RAB23: variants seen among roughly 807,000 people sequenced by gnomAD.
The protein encoded by RAB23 is ras-related protein Rab-23.
In RAB23, 15 loss-of-function variants were observed where a neutral mutation model predicts 30.0. That is an observed-to-expected ratio of 0.50 (90% CI 0.33 to 0.77). The LOEUF is 0.77. RAB23 is among the 30% of genes least tolerant of loss of function. RAB23 has a pLI of 0.02. For synonymous variants in RAB23, 93 were observed against 94.0 expected, an observed-to-expected ratio of 0.99 and a Z score of 0.06; for missense variants, 243 against 275.4, an observed-to-expected ratio of 0.88 and a Z score of 0.83.
At chr6:57,216,385 A>G (rs972791510) in intron 1 of RAB23, among the ~76,000 whole-genome samples, 30 of 152,254 alleles carry the variant, frequency 2.0e-4, no homozygotes, top group Non-Finnish European at 3.2e-4. Context: ...TCAAAATGGA[A>G]TTCTAAAAAC....
intron 1 of RAB23, among the ~76,000 whole-genome samples, chr6:57,213,579 T>C (rs1294247833): frequency 2.0e-5 from 3 of 152,222 alleles, no homozygotes; most frequent in Non-Finnish European, 2.9e-5. Flanking sequence ...TAAAGATATA[T>C]ACTTCAGACA....
Position 57,190,407 on chromosome 6 carries a change from G to T in RAB23, c.*54C>A. The T allele has an allele frequency of 6.3e-7, 1 of 1,592,672 alleles. No homozygotes were observed. The highest frequency in any genetic ancestry group is 1.1e-5 in the South Asian group (1 of 90,434). On this transcript the variant is annotated 3_prime_UTR_variant, in exon 7 of 7. Coordinates refer to ENST00000468148, the MANE Select transcript of RAB23 (RefSeq NM_016277.5). Reference sequence around the variant, plus strand: ...TTGTAACATACCATGACAGCTGGATGGGTTTCTTAATGCATTGCACAATGT... The same window carrying T: ...TTGTAACATACCATGACAGCTGGATTGGTTTCTTAATGCATTGCACAATGT...
At chr6:57,203,265 CAAA>C (rs1765336760) in intron 3 of RAB23, among the ~76,000 whole-genome samples, 1 of 152,136 alleles carries the variant, frequency 6.6e-6, no homozygotes, top group African/African-American at 2.4e-5. Flanking sequence ...CGCAGCCTCC[CAAA>C]GTGCTGGGAT....
At position 57,189,915 on chromosome 6, in the gene RAB23, G is replaced by GCTT. The variant is rs1161854478; in HGVS notation, c.*545_*546insAAG. 2 of 163,650 alleles carry GCTT rather than the reference G, an allele frequency of 1.2e-5. No individual in the cohort carries two copies. The highest frequency in any genetic ancestry group is 2.7e-5 in the Non-Finnish European group (2 of 74,332). The allele number at this position is 163,650 out of a possible 1,614,324, so 10.1% of individuals were successfully genotyped here. A position where few individuals can be genotyped will look rare whatever the true frequency, so the allele number is the denominator to read the frequency against. On this transcript the variant is annotated 3_prime_UTR_variant, in exon 7 of 7. Coordinates refer to ENST00000468148, the MANE Select transcript of RAB23 (RefSeq NM_016277.5). ...ATACCTTCAGCTTACTCCAGTACCA[G>GCTT]ACATCTGCATGCACACCCCACATTC... is the stretch of plus-strand genomic sequence containing the variant.
At chr6:57,209,754 T>C (rs1320316634) in intron 2 of RAB23, among the ~76,000 whole-genome samples, 1 of 152,230 alleles carries the variant, frequency 6.6e-6, no homozygotes, top group African/African-American at 2.4e-5. Flanking sequence ...TAGGCAAATT[T>C]TGTCCTCCCA....
At chr6:57,196,697 G>C in intron 3 of RAB23, 91 bp from the exon 4 acceptor site, 1 of 1,514,456 alleles carries the variant, frequency 6.6e-7, no homozygotes, top group Non-Finnish European at 8.9e-7. Flanking sequence ...TGAAGAATGG[G>C]GGCAACTTTT....
chr6:57,198,217 T>C (rs577255355), intron 3 of RAB23, among the ~76,000 whole-genome samples: 9 of 152,356 alleles, frequency 5.9e-5, no homozygotes, highest in Admixed American at 5.9e-4. Context: ...AATAAACTTA[T>C]ATTTACTTGA....
chr6:57,213,002 T>C (rs1765709971), intron 1 of RAB23, among the ~76,000 whole-genome samples: 2 of 152,104 alleles, frequency 1.3e-5, no homozygotes, highest in African/African-American at 4.8e-5. Context: ...GGACTTGCTT[T>C]GGTGGAAGAC....
intron 1 of RAB23, among the ~76,000 whole-genome samples, chr6:57,217,558 G>A (rs903330821): frequency 6.6e-6 from 1 of 152,106 alleles, no homozygotes; most frequent in South Asian, 2.1e-4. Flanking sequence ...TCCGCCCGCC[G>A]TGGCCTCCCA....
At chr6:57,213,262 C>G (rs1291139074) in intron 1 of RAB23, among the ~76,000 whole-genome samples, 1 of 152,124 alleles carries the variant, frequency 6.6e-6, no homozygotes, top group Non-Finnish European at 1.5e-5. Context: ...TGCTGTGTGG[C>G]CCAGTTCCTA....
chr6:57,194,571 C>A (rs373238346), intron 5 of RAB23, among the ~76,000 whole-genome samples, 199 bp downstream of exon 5: 206 of 151,824 alleles, frequency 1.4e-3, no homozygotes, highest in Middle Eastern at 6.9e-3. Flanking sequence ...GAAAACCTTA[C>A]GAGGATGAAA....
intron 3 of RAB23, among the ~76,000 whole-genome samples, chr6:57,197,059 T>C (rs1765050306): frequency 6.6e-6 from 1 of 152,192 alleles, no homozygotes; most frequent in Admixed American, 6.5e-5. Context: ...TTAAGAAAAA[T>C]GTCATTTGCT....
intron 3 of RAB23, among the ~76,000 whole-genome samples, chr6:57,201,588 C>T (rs1453100342): frequency 6.6e-6 from 1 of 152,192 alleles, no homozygotes; most frequent in Non-Finnish European, 1.5e-5. Context: ...GGTATAAAAA[C>T]GTTCAGGTTT....
At chr6:57,219,838 A>G (rs566151281) in intron 1 of RAB23, among the ~76,000 whole-genome samples, 1 of 152,322 alleles carries the variant, frequency 6.6e-6, no homozygotes, top group East Asian at 1.9e-4. Flanking sequence ...TTTATAAAAC[A>G]ATTTTTAGAA....
At chr6:57,212,816 C>T (rs982199217) in intron 1 of RAB23, among the ~76,000 whole-genome samples, 1 of 151,916 alleles carries the variant, frequency 6.6e-6, no homozygotes, top group African/African-American at 2.4e-5. Flanking sequence ...CCCAGGAGTT[C>T]AAGGCCGCAG....
chr6:57,205,691 T>C (rs1167126835), intron 3 of RAB23, among the ~76,000 whole-genome samples: 1 of 151,836 alleles, frequency 6.6e-6, no homozygotes, highest in East Asian at 1.9e-4. Flanking sequence ...AGGCATAGTG[T>C]AAAAAGAAAA....
intron 2 of RAB23, among the ~76,000 whole-genome samples, chr6:57,208,026 A>G (rs1391129347): frequency 1.3e-5 from 2 of 152,186 alleles, no homozygotes; most frequent in South Asian, 4.1e-4. Flanking sequence ...AACCCATGCT[A>G]AAGTTGAAAA....
At chr6:57,213,518 G>A (rs1479966090) in intron 1 of RAB23, among the ~76,000 whole-genome samples, 1 of 152,006 alleles carries the variant, frequency 6.6e-6, no homozygotes. Flanking sequence ...CAAGAAGACT[G>A]TTATGTTCAA....
At chr6:57,193,460 G>A (rs1013185235) in intron 6 of RAB23, among the ~76,000 whole-genome samples, 1 of 152,156 alleles carries the variant, frequency 6.6e-6, no homozygotes, top group East Asian at 1.9e-4. Context: ...GAATGCTAAA[G>A]TTTTGCTGGC....
Sources: gnomAD v4.1 joint callset for allele counts (sites outside exome capture counted in the v4.1 genomes callset) on GRCh38, gnomAD v4.1.1 for gene constraint, MANE v1.5 for transcripts, NCBI Gene and HGNC (gene_info 2026-07-23, HGNC 2026-07-21) for gene names.